The following TRIO variants were observed in gnomAD, a reference collection of about 807,000 sequenced individuals.
TRIO encodes the protein triple functional domain protein.
In TRIO, 58 loss-of-function variants were observed where a neutral mutation model predicts 351.9. That is an observed-to-expected ratio of 0.16 (90% confidence interval 0.13 to 0.21). The LOEUF (loss-of-function observed/expected upper bound fraction) is 0.21, where lower values mean the gene tolerates loss of function less well. TRIO is among the 10% of genes least tolerant of loss of function. The probability of loss-of-function intolerance (pLI) is 1.00; values close to 1 mark genes in which losing one functional copy is unlikely to be tolerated. For synonymous variants in TRIO, 1,758 were observed against 1,595.7 expected (o/e 1.10, Z -2.42); for missense variants, 3,201 against 4,027.8 (o/e 0.79, Z 5.56).
chr5:14,256,562 A>C (rs1795033275), intron 1 of TRIO, among the ~76,000 whole-genome samples: 1 of 152,148 alleles, frequency 6.6e-6, no homozygotes, highest in Non-Finnish European at 1.5e-5. Flanking sequence ...AAATATACAC[A>C]CCTTCTTACA....
chr5:14,428,007 A>C (rs1204365686), intron 34 of TRIO, among the ~76,000 whole-genome samples: 3 of 152,098 alleles, frequency 2.0e-5, no homozygotes, highest in African/African-American at 7.2e-5. Context: ...TGCCCTTCTG[A>C]GGCCTCTAGC....
In TRIO at chr5:14,497,359, T is replaced by A. The variant is rs2126678727; in HGVS notation, c.8019+342T>A. On this transcript the variant is annotated intron_variant, in intron 50 of 56. Coordinates refer to ENST00000344204, the MANE Select transcript of TRIO (RefSeq NM_007118.4). The surrounding 1 kb of genome is among the most constrained non-coding windows in gnomAD (Gnocchi z 4.4). ...CTATGGCTCAGGCTTCCTTCAGTGT[T>A]CCTGCCTTAAAGCCAAGGGGAAGTG... is the stretch of plus-strand genomic sequence containing the variant. Among the ~76,000 whole-genome samples, 1 of 152,322 alleles carries A rather than the reference T, an allele frequency of 6.6e-6. No individual in the cohort carries two copies. The highest frequency in any genetic ancestry group is 6.5e-5 in the Admixed American group (1 of 15,298).
intron 11 of TRIO, among the ~76,000 whole-genome samples, chr5:14,352,037 T>G (rs1276683441): frequency 6.6e-6 from 1 of 152,188 alleles, no homozygotes; most frequent in African/African-American, 2.4e-5. Context: ...GTGGGGCCCA[T>G]AGAGGCTTGT....
At chr5:14,450,953 T>C (rs972969380) in intron 34 of TRIO, among the ~76,000 whole-genome samples, 1 of 152,170 alleles carries the variant, frequency 6.6e-6, no homozygotes, top group Non-Finnish European at 1.5e-5. Flanking sequence ...ACCAAACATA[T>C]GTAAGAGCAA....
In TRIO at chr5:14,399,594, C is replaced by T. The variant is rs143162152; in HGVS notation, c.4614+524C>T. Among the ~76,000 whole-genome samples, 271 of 152,344 alleles carry T rather than the reference C, an allele frequency of 1.8e-3. 2 individuals are homozygous for T. Among genetic ancestry groups the T allele is most frequent in the African/African-American group, 6.3e-3 (260 of 41,570 alleles). On this transcript the variant is annotated intron_variant, in intron 30 of 56. Transcript: ENST00000344204. Reference sequence around the variant, plus strand: ...GCCAAAGTACAGTCTGAAAGATCCACAGCCCCAGCTATGTGGAGACAGCTG... The same window carrying T: ...GCCAAAGTACAGTCTGAAAGATCCATAGCCCCAGCTATGTGGAGACAGCTG...
At chr5:14,359,634 C>T in intron 13 of TRIO, 103 bp downstream of exon 13, 2 of 1,353,826 alleles carry the variant, frequency 1.5e-6, no homozygotes, top group Non-Finnish European at 2.0e-6. Context: ...CCTGTGTCCT[C>T]ACCCACACCC....
intron 7 of TRIO, among the ~76,000 whole-genome samples, chr5:14,303,394 G>A (rs79186595): frequency 1.8e-4 from 22 of 123,706 alleles, no homozygotes; most frequent in African/African-American, 4.4e-4. Context: ...GATGGCTGCC[G>A]CAGGAATTGA....
At chr5:14,220,441 A>G (rs1792544658) in intron 1 of TRIO, among the ~76,000 whole-genome samples, 1 of 152,226 alleles carries the variant, frequency 6.6e-6, no homozygotes, top group African/African-American at 2.4e-5. Flanking sequence ...CTAAGTGTTC[A>G]AGTGAAAGTA....
intron 4 of TRIO, among the ~76,000 whole-genome samples, chr5:14,290,272 G>A (rs1736792505): frequency 6.6e-6 from 1 of 152,184 alleles, no homozygotes; most frequent in Non-Finnish European, 1.5e-5. Context: ...ATAGCAAGTA[G>A]TAGAAAACCT....
At chr5:14,163,512 G>T (rs1313120963) in intron 1 of TRIO, among the ~76,000 whole-genome samples, 1 of 152,110 alleles carries the variant, frequency 6.6e-6, no homozygotes, top group East Asian at 1.9e-4. Flanking sequence ...CCAACTAAAG[G>T]GTATTTTCTA....
rs57377021 is a variant in TRIO at position 14,421,227 on chromosome 5, A to ATTTATTTATTTTATTTTAT, written c.5203+1213_5203+1214insATTTTATTTTATTTTATTT. Among the ~76,000 whole-genome samples, 141 of 118,064 alleles carry ATTTATTTATTTTATTTTAT rather than the reference A, an allele frequency of 1.2e-3. 1 individual carries two copies. Among genetic ancestry groups the ATTTATTTATTTTATTTTAT allele is most frequent in the African/African-American group, 4.5e-3 (133 of 29,702 alleles). 77.5% of individuals were successfully genotyped at this position (118,064 alleles called of 152,430 possible). A position where few individuals can be genotyped will look rare whatever the true frequency, so the allele number is the denominator to read the frequency against. On this transcript the variant is annotated intron_variant, in intron 34 of 56. Coordinates refer to ENST00000344204, the MANE Select transcript of TRIO (RefSeq NM_007118.4). Reference sequence around the variant, plus strand: ...TTTTCCCTTATTTAATTATTTATTTATTTATTTTATTTTATTTTATTTTAT... The same window carrying ATTTATTTATTTTATTTTAT: ...TTTTCCCTTATTTAATTATTTATTTATTTATTTATTTTATTTTATTTTATTTTATTTTATTTTATTTTAT...
intron 31 of TRIO, among the ~76,000 whole-genome samples, chr5:14,405,122 C>T (rs57640930): frequency 0.1 from 15,520 of 151,022 alleles, 1,296 homozygotes; most frequent in African/African-American, 0.23. Flanking sequence ...CAAGTGATGT[C>T]GTGCGTGCTC....
chr5:14,149,728 G>A (rs1489888821), intron 1 of TRIO, among the ~76,000 whole-genome samples: 1 of 151,870 alleles, frequency 6.6e-6, no homozygotes, highest in Non-Finnish European at 1.5e-5. Context: ...CTTGTCTGAT[G>A]GGGGAGGATT....
intron 1 of TRIO, among the ~76,000 whole-genome samples, chr5:14,237,910 T>C (rs1436088289): frequency 6.6e-6 from 1 of 152,242 alleles, no homozygotes; most frequent in Non-Finnish European, 1.5e-5. Context: ...CATCAAATTT[T>C]CTTCTTTCCT....
At chr5:14,256,058 A>C (rs1795005218) in intron 1 of TRIO, among the ~76,000 whole-genome samples, 1 of 152,216 alleles carries the variant, frequency 6.6e-6, no homozygotes, top group Admixed American at 6.5e-5. Context: ...TGTGTAATTT[A>C]TAAGGAAAAG....
chr5:14,201,479 T>C (rs1791106454), intron 1 of TRIO, among the ~76,000 whole-genome samples: 1 of 152,182 alleles, frequency 6.6e-6, no homozygotes, highest in African/African-American at 2.4e-5. Context: ...TTTAGTGAAA[T>C]GCTTTGCTAA....
Position 14,359,523 on chromosome 5 carries a change from G to A in TRIO, c.2383G>A (p.Ala795Thr), listed in dbSNP as rs1460535762. The A allele has an allele frequency of 9.9e-6, 16 of 1,613,522 alleles. No homozygotes were observed. The highest frequency in any genetic ancestry group is 3.3e-5 in the Admixed American group (2 of 60,008). Residue 795 changes from alanine to threonine, a missense_variant, in exon 13 of 57, where the codon GCC (alanine) becomes ACC (threonine). Physicochemically the swap from Ala to Thr is moderately conservative, Grantham distance 58 (BLOSUM62 0). Coordinates refer to ENST00000344204, the MANE Select transcript of TRIO (RefSeq NM_007118.4). The part of the protein sequence containing the change: ...FLQLRIFERD[A>T]IDIISDLESW... ...GCAGCTGCGCATCTTCGAGAGGGAC[G>A]CCATCGACGTGAGTGTCCCGCGGCT...
chr5:14,433,102 CAG>C (rs761684991), intron 34 of TRIO, among the ~76,000 whole-genome samples: 21 of 152,192 alleles, frequency 1.4e-4, no homozygotes, highest in Non-Finnish European at 2.2e-4. Flanking sequence ...CTGGTGCAAA[CAG>C]AGAATGTCAC....
chr5:14,180,616 T>C (rs1027154877), intron 1 of TRIO, among the ~76,000 whole-genome samples: 3 of 152,176 alleles, frequency 2.0e-5, no homozygotes, highest in Non-Finnish European at 4.4e-5. Context: ...GGAAGATCGC[T>C]TGAGGCCAGG....
Sources: gnomAD v4.1 joint callset for allele counts (sites outside exome capture counted in the v4.1 genomes callset) on GRCh38, gnomAD v4.1.1 for gene constraint, Gnocchi (gnomAD v3.1) non-coding constraint, MANE v1.5 for transcripts, NCBI Gene and HGNC (gene_info 2026-07-23, HGNC 2026-07-21) for gene names.